Variants in DOK6 observed in about 807,000 individuals in gnomAD.
DOK6 encodes the protein downstream of tyrosine kinase 6.
A neutral mutation model predicts 44.0 loss-of-function variants in DOK6; 22 were observed. The observed-to-expected ratio is 0.50, with a 90% CI of 0.36 to 0.71. The LOEUF is 0.71. Among genes scored for constraint, DOK6 ranks in the 30% least tolerant of loss-of-function variants. The pLI is 0.00. For missense variants in DOK6, 340 were observed against 416.4 expected (o/e 0.82, Z 1.60); for synonymous variants, 166 against 145.5 (o/e 1.14, Z -1.01).
intron 1 of DOK6, among the ~76,000 whole-genome samples, chr18:69,508,754 G>A (rs956620590): frequency 1.3e-5 from 2 of 152,108 alleles, no homozygotes; most frequent in Non-Finnish European, 2.9e-5. Context: ...CTTTCATAAG[G>A]TCATGCCATG....
intron 3 of DOK6, among the ~76,000 whole-genome samples, chr18:69,644,410 A>G (rs1446869060): frequency 2.0e-5 from 3 of 152,040 alleles, no homozygotes; most frequent in Non-Finnish European, 4.4e-5. Context: ...TCTTAAGTTT[A>G]TGATCCATTT....
chr18:69,710,780 C>T (rs540710023), intron 5 of DOK6, among the ~76,000 whole-genome samples: 4 of 152,218 alleles, frequency 2.6e-5, no homozygotes, highest in South Asian at 2.1e-4. Flanking sequence ...GAACAAAAAC[C>T]GATTAAACTA....
chr18:69,498,917 G>T (rs1461569328), intron 1 of DOK6, among the ~76,000 whole-genome samples: 1 of 152,160 alleles, frequency 6.6e-6, no homozygotes, highest in Non-Finnish European at 1.5e-5. Context: ...ACAAATAAAA[G>T]AGAAAATATT....
chr18:69,748,327 A>C (rs1430324651), intron 6 of DOK6, among the ~76,000 whole-genome samples: 1 of 152,110 alleles, frequency 6.6e-6, no homozygotes, highest in Non-Finnish European at 1.5e-5. Flanking sequence ...AATATTAGAC[A>C]GATCACCGAG....
At chr18:69,669,783 T>A (rs1292656461) in intron 3 of DOK6, among the ~76,000 whole-genome samples, 3 of 152,196 alleles carry the variant, frequency 2.0e-5, no homozygotes, top group African/African-American at 7.2e-5. Flanking sequence ...AATTCCTATT[T>A]AATTTATTAA....
At chr18:69,475,649 G>A (rs1980239319) in intron 1 of DOK6, among the ~76,000 whole-genome samples, 1 of 152,084 alleles carries the variant, frequency 6.6e-6, no homozygotes, top group Non-Finnish European at 1.5e-5. Flanking sequence ...CCCAAGCTAT[G>A]TATCTTGAAA....
chr18:69,699,815 A>G (rs1986471374), intron 5 of DOK6, among the ~76,000 whole-genome samples: 1 of 152,126 alleles, frequency 6.6e-6, no homozygotes, highest in Non-Finnish European at 1.5e-5. Context: ...TTATTTTTTT[A>G]CTGGCTTTAA....
chr18:69,530,999 A>G (rs577224607), intron 1 of DOK6, among the ~76,000 whole-genome samples: 1 of 152,102 alleles, frequency 6.6e-6, no homozygotes, highest in East Asian at 1.9e-4. Context: ...TGTGGAATTT[A>G]CCATTATGTA....
rs1205375780 is a variant in DOK6 at position 69,738,947 on chromosome 18, C to T, written c.600-18C>T. On this transcript the variant is annotated intron_variant, in intron 5 of 7. Transcript: ENST00000382713. ...AACACATGGAGACCCATCTCTTTCC[C>T]TATCTCTATTCTCACAGAATGTGTG... 2 of 1,613,204 alleles carry T rather than the reference C, an allele frequency of 1.2e-6. No individual in the cohort carries two copies. Among genetic ancestry groups the T allele is most frequent in the Non-Finnish European group, 8.5e-7 (1 of 1,179,480 alleles).
rs17081667 is a variant in DOK6 at position 69,817,952 on chromosome 18, G to C, written c.857-23292G>C. Among the ~76,000 whole-genome samples the C allele has an allele frequency of 8.6e-3, 1,305 of 152,264 alleles. 23 individuals carry two copies. The highest frequency in any genetic ancestry group is 0.076 in the East Asian group (394 of 5,172). On this transcript the variant is annotated intron_variant, in intron 7 of 7. Transcript: ENST00000382713. ...AGGCCCATTTAAACTAAGAAAGCTT[G>C]CCAAAAATCAAAATTCTGAGGTTTG...
chr18:69,651,684 T>C (rs937354959), intron 3 of DOK6, among the ~76,000 whole-genome samples: 5 of 151,920 alleles, frequency 3.3e-5, no homozygotes, highest in African/African-American at 9.7e-5. Context: ...AGACGGGGTT[T>C]CACCATGTTG....
At chr18:69,811,343 C>T (rs927275077) in intron 7 of DOK6, among the ~76,000 whole-genome samples, 2 of 151,566 alleles carry the variant, frequency 1.3e-5, no homozygotes, top group African/African-American at 2.4e-5. Flanking sequence ...TCAAAAGACA[C>T]AAAATTTCAG....
At chr18:69,690,028 C>A (rs1986230957) in intron 4 of DOK6, among the ~76,000 whole-genome samples, 1 of 152,006 alleles carries the variant, frequency 6.6e-6, no homozygotes, top group African/African-American at 2.4e-5. Flanking sequence ...TAACAGAAAT[C>A]TCTAAGGTTT....
chr18:69,451,653 T>C (rs1331922003), intron 1 of DOK6, among the ~76,000 whole-genome samples: 1 of 63,224 alleles, frequency 1.6e-5, no homozygotes, highest in East Asian at 5.1e-4. Flanking sequence ...ATTGACCACA[T>C]AGTTGGAAGT....
At chr18:69,814,985 T>A (rs2145119181) in intron 7 of DOK6, among the ~76,000 whole-genome samples, 1 of 152,066 alleles carries the variant, frequency 6.6e-6, no homozygotes, top group African/African-American at 2.4e-5. Flanking sequence ...TTCTCTGATA[T>A]TTTTTTTCTG....
At chr18:69,619,482 T>C (rs192463317) in intron 3 of DOK6, among the ~76,000 whole-genome samples, 31 of 152,326 alleles carry the variant, frequency 2.0e-4, no homozygotes, top group Admixed American at 1.6e-3. Flanking sequence ...GGATTGTTAA[T>C]TCACCTTCGG....
At chr18:69,656,800 G>A (rs1985379936) in intron 3 of DOK6, among the ~76,000 whole-genome samples, 2 of 152,148 alleles carry the variant, frequency 1.3e-5, no homozygotes. Context: ...ATTGATAACT[G>A]CAGAAGAGTG....
intron 1 of DOK6, among the ~76,000 whole-genome samples, chr18:69,549,053 G>A (rs1039371453): frequency 3.4e-5 from 5 of 147,968 alleles, no homozygotes; most frequent in South Asian, 2.2e-4. Flanking sequence ...CCAAGATCGC[G>A]CCACTGCACA....
chr18:69,610,954 CAGAG>C (rs34077388), intron 3 of DOK6, among the ~76,000 whole-genome samples: 26 of 151,656 alleles, frequency 1.7e-4, no homozygotes, highest in Admixed American at 1.4e-3. Flanking sequence ...TTAAAGGAAA[CAGAG>C]AGAGAGAGAG....
Sources: gnomAD v4.1 joint callset for allele counts (sites outside exome capture counted in the v4.1 genomes callset) on GRCh38, gnomAD v4.1.1 for gene constraint, MANE v1.5 for transcripts, NCBI Gene and HGNC (gene_info 2026-07-23, HGNC 2026-07-21) for gene names.